Variants in RASGEF1A observed in about 807,000 individuals in gnomAD.
RASGEF1A encodes RasGEF domain family member 1A.
Under a neutral mutation model 56.4 loss-of-function variants are expected in RASGEF1A, and 18 were observed. The ratio of observed to expected loss-of-function variants is 0.32; its 90% CI spans 0.22 to 0.47. The LOEUF is 0.47. Among genes scored for constraint, RASGEF1A ranks in the 20% least tolerant of loss-of-function variants. The probability of loss-of-function intolerance (pLI) is 1.00; values close to 1 mark genes in which losing one functional copy is unlikely to be tolerated. For missense variants in RASGEF1A, 422 were observed against 627.1 expected, an observed-to-expected ratio of 0.67 and a Z score of 3.49; for synonymous variants, 245 against 242.6, an observed-to-expected ratio of 1.01 and a Z score of -0.09.
chr10:43,222,033 G>A (rs1840215585), intron 1 of RASGEF1A, among the ~76,000 whole-genome samples: 1 of 152,218 alleles, frequency 6.6e-6, no homozygotes, highest in African/African-American at 2.4e-5. Flanking sequence ...AAACCCCAGA[G>A]TGACTTACAC....
At chr10:43,249,225 A>G (rs1438223870) in intron 1 of RASGEF1A, among the ~76,000 whole-genome samples, 4 of 152,180 alleles carry the variant, frequency 2.6e-5, no homozygotes, top group African/African-American at 9.7e-5. Flanking sequence ...ACCTGTAGCC[A>G]TCTCCTCACT....
At chr10:43,237,216 C>G (rs918506846) in intron 1 of RASGEF1A, among the ~76,000 whole-genome samples, 1 of 152,102 alleles carries the variant, frequency 6.6e-6, no homozygotes, top group African/African-American at 2.4e-5. Context: ...CCAGCCTGCT[C>G]TATGGAAATT....
At chr10:43,206,205 G>A (rs1283786374) in intron 1 of RASGEF1A, 83 bp from the exon 2 acceptor site, 34 of 1,173,482 alleles carry the variant, frequency 2.9e-5, no homozygotes, top group Non-Finnish European at 7.3e-6. Context: ...CCTGCAGCGT[G>A]CATGCATGTG....
chr10:43,202,010 G>C, intron 3 of RASGEF1A, 65 bp from the exon 4 acceptor site: 1 of 1,472,372 alleles, frequency 6.8e-7, no homozygotes, highest in Non-Finnish European at 9.1e-7. Context: ...ATGGCAAATG[G>C]TGCAAGCTTC....
intron 4 of RASGEF1A, 55 bp from the exon 5 acceptor site, chr10:43,200,943 C>T: frequency 6.6e-7 from 1 of 1,504,244 alleles, no homozygotes; most frequent in Non-Finnish European, 9.2e-7. Flanking sequence ...AAGGCCACCA[C>T]CACTGTGGGT....
intron 1 of RASGEF1A, among the ~76,000 whole-genome samples, chr10:43,224,748 T>C (rs1645047185): frequency 6.6e-6 from 1 of 152,152 alleles, no homozygotes; most frequent in South Asian, 2.1e-4. Context: ...GAAAACATAA[T>C]AAGATAAGAA....
At chr10:43,203,838 T>C in intron 2 of RASGEF1A, 2 of 929,376 alleles carry the variant, frequency 2.2e-6, no homozygotes, top group Non-Finnish European at 2.6e-6. Flanking sequence ...GGGTGGGGGA[T>C]GCAGGGAGGT....
At chr10:43,254,298 G>A (rs1185433665) in intron 1 of RASGEF1A, among the ~76,000 whole-genome samples, 1 of 152,222 alleles carries the variant, frequency 6.6e-6, no homozygotes, top group South Asian at 2.1e-4. Flanking sequence ...GGGCTGCAAG[G>A]GGCCATGTAG....
chr10:43,232,118 T>C (rs943513313), intron 1 of RASGEF1A, among the ~76,000 whole-genome samples: 5 of 152,238 alleles, frequency 3.3e-5, no homozygotes, highest in African/African-American at 1.2e-4. Flanking sequence ...CTCCCGCTGA[T>C]ATGATTTGGG....
At chr10:43,222,881 G>A (rs990204079) in intron 1 of RASGEF1A, among the ~76,000 whole-genome samples, 7 of 152,160 alleles carry the variant, frequency 4.6e-5, no homozygotes, top group South Asian at 4.2e-4. Flanking sequence ...ATCTGACTTC[G>A]CCTCCAATAT....
intron 1 of RASGEF1A, chr10:43,208,326 C>A: frequency 1.0e-6 from 1 of 985,922 alleles, no homozygotes; most frequent in South Asian, 4.7e-5. Context: ...TGACACCCCA[C>A]AAACTCAGCC....
intron 1 of RASGEF1A, among the ~76,000 whole-genome samples, chr10:43,231,786 T>TGCTTGCATC (rs1214454575): frequency 1.3e-5 from 2 of 152,214 alleles, no homozygotes; most frequent in African/African-American, 4.8e-5. Flanking sequence ...CTGCCAGGCG[T>TGCTTGCATC]CCTGCTTGCA....
At position 43,201,453 on chromosome 10, in the gene RASGEF1A, AC is replaced by A. The variant is rs936663504; in HGVS notation, c.459+354del. ...AAATGGGAGACCGGTTTAAAGCCTT[AC>A]CCCCACCTCCTCTCACTAATCCAAG... On this transcript the variant is annotated intron_variant, in intron 4 of 12. Transcript: ENST00000395810. Among the ~76,000 whole-genome samples, 46 of 152,140 alleles carry A rather than the reference AC, an allele frequency of 3.0e-4. 1 individual carries two copies. Among genetic ancestry groups the A allele is most frequent in the Non-Finnish European group, 2.9e-5 (2 of 68,024 alleles).
chr10:43,208,250 C>T (rs1564531367), intron 1 of RASGEF1A: 14 of 985,360 alleles, frequency 1.4e-5, no homozygotes, highest in Non-Finnish European at 1.7e-5. Flanking sequence ...AGGGCATTTG[C>T]CGAGCCACTG....
In RASGEF1A at chr10:43,206,127, G is replaced by C. The variant is rs1445926630; in HGVS notation, c.-6-5C>G. On this transcript the variant is annotated splice_region_variant and splice_polypyrimidine_tract_variant and intron_variant, in intron 1 of 12. Coordinates refer to ENST00000395810, the MANE Select transcript of RASGEF1A (RefSeq NM_145313.4). The stretch of plus-strand genomic sequence containing the variant: ...GGACGTCTGGGGCATAGTTTCCTGG[G>C]AGAAAAGAGCAAGGACATGAGGCAT... The C allele has an allele frequency of 6.4e-7, 1 of 1,566,092 alleles. No individual in the cohort carries two copies. Among genetic ancestry groups the C allele is most frequent in the Non-Finnish European group, 8.7e-7 (1 of 1,155,768 alleles).
At chr10:43,206,342 G>A (rs1440642627) in intron 1 of RASGEF1A, among the ~76,000 whole-genome samples, 1 of 152,200 alleles carries the variant, frequency 6.6e-6, no homozygotes, top group Non-Finnish European at 1.5e-5. Context: ...TCAGCTCCCT[G>A]TGGGCCAGAC....
At chr10:43,211,472 C>T (rs1246837723) in intron 1 of RASGEF1A, among the ~76,000 whole-genome samples, 1 of 152,190 alleles carries the variant, frequency 6.6e-6, no homozygotes, top group Non-Finnish European at 1.5e-5. Flanking sequence ...TGCCAGGATG[C>T]GCTGCAGCAG....
chr10:43,216,356 C>T (rs776065958), intron 1 of RASGEF1A, among the ~76,000 whole-genome samples: 8 of 152,220 alleles, frequency 5.3e-5, no homozygotes, highest in Non-Finnish European at 1.0e-4. Context: ...CCCCAGGAGG[C>T]TCCCCCAGGA....
intron 2 of RASGEF1A, 151 bp downstream of exon 2, chr10:43,205,768 C>T (rs1316369838): frequency 1.4e-5 from 9 of 647,594 alleles, no homozygotes; most frequent in African/African-American, 3.6e-5. Flanking sequence ...CAGAGAAGGC[C>T]CTAGAGGTGG....
Sources: gnomAD v4.1 joint callset for allele counts (sites outside exome capture counted in the v4.1 genomes callset) on GRCh38, gnomAD v4.1.1 for gene constraint, MANE v1.5 for transcripts, NCBI Gene and HGNC (gene_info 2026-07-23, HGNC 2026-07-21) for gene names.